METTL24: variants seen among roughly 807,000 people sequenced by gnomAD.
METTL24 encodes the protein methyltransferase like 24, also known as probable methyltransferase-like protein 24.
A neutral mutation model predicts 32.7 loss-of-function variants in METTL24; 29 were observed. The ratio of observed to expected loss-of-function variants is 0.89; its 90% CI spans 0.66 to 1.21. The LOEUF is 1.21. Among genes scored for constraint, METTL24 ranks in the 50% most tolerant of loss-of-function variants. The probability of loss-of-function intolerance (pLI) is 0.00; values close to 1 mark genes in which losing one functional copy is unlikely to be tolerated. For missense variants in METTL24, 439 were observed against 468.1 expected (o/e 0.94, Z 0.57); for synonymous variants, 163 against 179.5 (o/e 0.91, Z 0.73).
In METTL24 at chr6:110,315,372, C is replaced by T. The variant is rs748963544; in HGVS notation, c.527G>A (p.Arg176His). The T allele has an allele frequency of 1.7e-5, 27 of 1,613,956 alleles. 1 individual carries two copies. Among genetic ancestry groups the T allele is most frequent in the African/African-American group, 8.0e-5 (6 of 74,886 alleles). The change falls in exon 3 of 5, where the codon CGC becomes CAC. Residue 176 changes from arginine to histidine, a missense_variant. By Grantham distance (29) the Arg-to-His change is conservative. Transcript: ENST00000338882. ...DDRFNLAHQI[R>H]NKQCRLYSLG... ...GGAGTAGAGGCGGCACTGCTTGTTG[C>T]GGATTTGATGAGCTAAATTGAACCT...
intron 4 of METTL24, among the ~76,000 whole-genome samples, chr6:110,272,767 C>A (rs1469743666): frequency 1.3e-5 from 2 of 152,056 alleles, no homozygotes; most frequent in African/African-American, 4.8e-5. Context: ...TGTATATCTT[C>A]TTTTGAGAAT....
intron 3 of METTL24, among the ~76,000 whole-genome samples, chr6:110,306,432 T>C (rs1276999511): frequency 6.6e-6 from 1 of 151,892 alleles, no homozygotes; most frequent in East Asian, 1.9e-4. Context: ...TTTTTATATA[T>C]CTTTCCAGAA....
rs192894838 is a variant in METTL24 at position 110,311,496 on chromosome 6, C to T, written c.557+3846G>A. On this transcript the variant is annotated intron_variant, in intron 3 of 4. Transcript: ENST00000338882. The stretch of plus-strand genomic sequence containing the variant: ...TTTTTTTTTTTTTTTTTTTTTGAGA[C>T]GGAGTCTTGCTCTGTCACCCAGGCT... Among the ~76,000 whole-genome samples, 35 of 100,712 alleles carry T rather than the reference C, an allele frequency of 3.5e-4. No homozygotes were observed. In the South Asian group the frequency reaches 5.6e-3, roughly 16 times the overall value. The allele number at this position is 100,712 out of a possible 152,430, so 66.1% of individuals were successfully genotyped here. A position where few individuals can be genotyped will look rare whatever the true frequency, so the allele number is the denominator to read the frequency against.
At chr6:110,304,381 G>C (rs957672937) in intron 3 of METTL24, among the ~76,000 whole-genome samples, 1 of 152,184 alleles carries the variant, frequency 6.6e-6, no homozygotes, top group African/African-American at 2.4e-5. Context: ...TGAGCTAAAG[G>C]AGCATGTTCT....
intron 4 of METTL24, among the ~76,000 whole-genome samples, chr6:110,260,138 A>C (rs1361396307): frequency 6.6e-6 from 1 of 152,210 alleles, no homozygotes; most frequent in South Asian, 2.1e-4. Context: ...GAGCTGAGAG[A>C]AGAAGGCTTC....
intron 1 of METTL24, among the ~76,000 whole-genome samples, chr6:110,354,859 T>C (rs1163140599): frequency 6.6e-6 from 1 of 152,154 alleles, no homozygotes; most frequent in Non-Finnish European, 1.5e-5. Context: ...ATCCCGAAAA[T>C]AATAGCTAGC....
At chr6:110,262,326 A>C (rs1446907361) in intron 4 of METTL24, among the ~76,000 whole-genome samples, 2 of 152,224 alleles carry the variant, frequency 1.3e-5, no homozygotes, top group African/African-American at 4.8e-5. Context: ...CCATCAGAGA[A>C]TACTATAAAC....
intron 4 of METTL24, among the ~76,000 whole-genome samples, chr6:110,278,990 C>T (rs9487336): frequency 0.078 from 11,910 of 152,222 alleles, 502 homozygotes; most frequent in South Asian, 0.16. Context: ...CCTTTGCACT[C>T]AGCCTGGGAA....
Position 110,245,739 on chromosome 6 carries a change from TA to T in METTL24, c.*206del, listed in dbSNP as rs1485483420. 2.0e-5 allele frequency among the ~76,000 whole-genome samples: 3 copies of T among 152,170 alleles called. No homozygotes were observed. The highest frequency in any genetic ancestry group is 7.2e-5 in the African/African-American group (3 of 41,428). ...AAGGTGAAGGAAGAGTCTGGGCAAA[TA>T]GGGGTGACTGTGTTTATCCCTTTAA... is the stretch of plus-strand genomic sequence containing the variant. On this transcript the variant is annotated 3_prime_UTR_variant, in exon 5 of 5. Transcript: ENST00000338882.
intron 1 of METTL24, among the ~76,000 whole-genome samples, chr6:110,331,680 A>C (rs1334286718): frequency 6.7e-6 from 1 of 149,998 alleles, no homozygotes; most frequent in Non-Finnish European, 1.5e-5. Flanking sequence ...AAAAAAAAAA[A>C]GGAAGAAAGA....
intron 1 of METTL24, among the ~76,000 whole-genome samples, chr6:110,355,240 A>G (rs989030016): frequency 6.6e-6 from 1 of 152,168 alleles, no homozygotes; most frequent in Non-Finnish European, 1.5e-5. Flanking sequence ...TTTCTGGGCT[A>G]TGAACCTTGA....
chr6:110,261,824 G>A (rs1202520402), intron 4 of METTL24, among the ~76,000 whole-genome samples: 4 of 152,138 alleles, frequency 2.6e-5, no homozygotes, highest in South Asian at 2.1e-4. Flanking sequence ...ACTCAAAACC[G>A]CTCAACTACA....
At chr6:110,254,118 T>A in intron 4 of METTL24, 1 of 477,998 alleles carries the variant, frequency 2.1e-6, no homozygotes, top group Non-Finnish European at 3.5e-6. Context: ...TGTAATGATT[T>A]AATTTATTTA....
intron 2 of METTL24, among the ~76,000 whole-genome samples, chr6:110,319,398 G>GGTT (rs1484999053): frequency 1.5e-4 from 22 of 148,946 alleles, no homozygotes; most frequent in African/African-American, 5.5e-4. Context: ...TAGATGGGTA[G>GGTT]ATAACTAGGT....
At chr6:110,263,038 T>C (rs979273282) in intron 4 of METTL24, among the ~76,000 whole-genome samples, 120 of 152,208 alleles carry the variant, frequency 7.9e-4, no homozygotes, top group African/African-American at 2.7e-3. Context: ...AAACTGGATG[T>C]GTTCCCTTTG....
At chr6:110,340,046 G>T (rs1446500580) in intron 1 of METTL24, among the ~76,000 whole-genome samples, 1 of 152,156 alleles carries the variant, frequency 6.6e-6, no homozygotes, top group Non-Finnish European at 1.5e-5. Context: ...CATTTTAACA[G>T]CATAGAACAG....
intron 1 of METTL24, among the ~76,000 whole-genome samples, chr6:110,330,920 G>A (rs1469578412): frequency 6.6e-6 from 1 of 152,166 alleles, no homozygotes; most frequent in African/African-American, 2.4e-5. Context: ...AACTTATGTG[G>A]GAAAAAGACA....
chr6:110,357,021 G>A (rs1035114570), intron 1 of METTL24, among the ~76,000 whole-genome samples: 2 of 152,184 alleles, frequency 1.3e-5, no homozygotes, highest in African/African-American at 2.4e-5. Flanking sequence ...ACCGGTGATG[G>A]GAAGCGGGGT....
At chr6:110,330,575 A>G (rs2114761250) in intron 1 of METTL24, among the ~76,000 whole-genome samples, 1 of 151,936 alleles carries the variant, frequency 6.6e-6, no homozygotes, top group African/African-American at 2.4e-5. Context: ...TGCCTGGCAC[A>G]GCAAAGACTG....
Sources: gnomAD v4.1 joint callset for allele counts (sites outside exome capture counted in the v4.1 genomes callset) on GRCh38, gnomAD v4.1.1 for gene constraint, MANE v1.5 for transcripts, NCBI Gene and HGNC (gene_info 2026-07-23, HGNC 2026-07-21) for gene names.